ATP4A: variants seen among roughly 807,000 people sequenced by gnomAD.
ATP4A encodes potassium-transporting ATPase alpha chain 1.
Under a neutral mutation model 112.1 loss-of-function variants are expected in ATP4A, and 73 were observed. The observed-to-expected ratio is 0.65, with a 90% CI of 0.54 to 0.79. The LOEUF (loss-of-function observed/expected upper bound fraction) is 0.79, where lower values mean the gene tolerates loss of function less well. Ranked by LOEUF, ATP4A falls within the 30% of genes least tolerant of loss-of-function variation. The probability of loss-of-function intolerance (pLI) is 0.00; values close to 1 mark genes in which losing one functional copy is unlikely to be tolerated. For synonymous variants in ATP4A, 588 were observed against 588.9 expected, an observed-to-expected ratio of 1.00 and a Z score of 0.02; for missense variants, 1,081 against 1,425.9, an observed-to-expected ratio of 0.76 and a Z score of 3.90.
At chr19:35,556,609 T>G (rs1209520584) in intron 12 of ATP4A, among the ~76,000 whole-genome samples, 1 of 152,022 alleles carries the variant, frequency 6.6e-6, no homozygotes, top group East Asian at 1.9e-4. Context: ...GCTAAGCAGG[T>G]GGGAGTTAAG....
rs1336886445 is a variant in ATP4A at position 35,555,623 on chromosome 19, C to T, written c.2007-33G>A. On this transcript the variant is annotated intron_variant, in intron 13 of 21. Coordinates refer to ENST00000262623, the MANE Select transcript of ATP4A (RefSeq NM_000704.3). This position sits in a 1 kb window ranked among gnomAD's most constrained non-coding sequence, Gnocchi z 6.6. ...GGAGATGGGAGGACCTCGCTGGGAC[C>T]TCGGTCTGTGCCAGATGTGGGGAGA... The T allele has an allele frequency of 3.2e-6, 5 of 1,578,960 alleles. No individual in the cohort carries two copies. The highest frequency in any genetic ancestry group is 2.7e-5 in the African/African-American group (2 of 74,482).
rs373055923 is a variant in ATP4A at position 35,562,498 on chromosome 19, G to A, written c.357C>T (p.Ala119=). Residue 119 remains alanine (A), a synonymous_variant, in exon 4 of 22, where the codon GCC becomes GCT. Coordinates refer to ENST00000262623, the MANE Select transcript of ATP4A (RefSeq NM_000704.3). ...GGLQCLMWVA[A]AICLIAFAIQ... is the part of the protein sequence containing the mutation. ...TGGCAAAGGCGATGAGGCAGATGGCGGCGGCAACCCACATGAGGCACTGCA... is the reference window on the plus strand; with the variant it reads ...TGGCAAAGGCGATGAGGCAGATGGCAGCGGCAACCCACATGAGGCACTGCA... 6.9e-4 allele frequency: 1,120 copies of A among 1,613,998 alleles called. 1 individual carries two copies. The highest frequency in any genetic ancestry group is 8.7e-4 in the Non-Finnish European group (1,024 of 1,180,020).
In ATP4A at chr19:35,553,178, G is replaced by A. The variant is rs2071611319; in HGVS notation, c.2610C>T (p.Ala870=). 1.3e-6 allele frequency: 2 copies of A among 1,593,824 alleles called. No individual in the cohort carries two copies. Among genetic ancestry groups the A allele is most frequent in the South Asian group, 2.2e-5 (2 of 90,166 alleles). The change falls in exon 18 of 22, where the codon GCC becomes GCT. Residue 870 remains alanine, a synonymous_variant. Transcript: ENST00000262623. ...LAAYSYFQIG[A]IQSFAGFTDY... ...CAGTGAAGCCAGCAAAGGACTGAAT[G>A]GCACCTGGAGAGAGACAAGGGGACA...
chr19:35,552,546 T>C (rs373773916), intron 18 of ATP4A, among the ~76,000 whole-genome samples: 19 of 152,332 alleles, frequency 1.2e-4, no homozygotes, highest in African/African-American at 2.9e-4. Flanking sequence ...GTTACACAGC[T>C]TGTGAGAAGC....
At position 35,557,350 on chromosome 19, in the gene ATP4A, T is replaced by C. The variant is rs149186972; in HGVS notation, c.1694-262A>G. 1.3e-5 allele frequency among the ~76,000 whole-genome samples: 2 copies of C among 152,298 alleles called. No individual in the cohort carries two copies. The highest frequency in any genetic ancestry group is 1.9e-4 in the East Asian group (1 of 5,186). ...CACACAGCAAGTAAAAGGCCCAGAA[T>C]TGGACCACAGATCTGCTTTCTAGGG... On this transcript the variant is annotated intron_variant, in intron 11 of 21. Transcript: ENST00000262623. This position sits in a 1 kb window ranked among gnomAD's most constrained non-coding sequence, Gnocchi z 4.4.
Position 35,557,625 on chromosome 19 carries a change from GGAGT to G in ATP4A, c.1693+26_1693+29del. 1 of 1,582,438 alleles carries G rather than the reference GGAGT, an allele frequency of 6.3e-7. No homozygotes were observed. The highest frequency in any genetic ancestry group is 8.6e-7 in the Non-Finnish European group (1 of 1,164,204). ...TCTGTGCTAGCTCCTCCTCGCACCT[GGAGT>G]CTCCTCCCCTGCCCAGGGGTCTCAC... On this transcript the variant is annotated intron_variant, in intron 11 of 21. Transcript: ENST00000262623. This position sits in a 1 kb window ranked among gnomAD's most constrained non-coding sequence, Gnocchi z 4.4.
At chr19:35,553,381 G>A (rs1669171921) in intron 17 of ATP4A, among the ~76,000 whole-genome samples, 199 bp from the exon 18 acceptor site, 1 of 152,084 alleles carries the variant, frequency 6.6e-6, no homozygotes, top group Non-Finnish European at 1.5e-5. Context: ...CAGTGACAGA[G>A]ACACAGAGGC....
chr19:35,552,218 C>G (rs1478022563), intron 18 of ATP4A, among the ~76,000 whole-genome samples: 1 of 152,180 alleles, frequency 6.6e-6, no homozygotes, highest in African/African-American at 2.4e-5. Context: ...GGCAACACAA[C>G]TCCTAATACC....
chr19:35,555,641 TGGGGAGAACCCCGGGGAGGTCTG>T lies in ATP4A; in HGVS notation c.2006+12_2006+34del. 6.3e-7 allele frequency: 1 copy of T among 1,586,560 alleles called. No individual in the cohort carries two copies. Among genetic ancestry groups the T allele is most frequent in the Non-Finnish European group, 8.6e-7 (1 of 1,159,570 alleles). ...CTGGGACCTCGGTCTGTGCCAGATG[TGGGGAGAACCCCGGGGAGGTCTG>T]GGGGGGCTTACTTGCGATTAACCTG... On this transcript the variant is annotated intron_variant, in intron 13 of 21. Coordinates refer to ENST00000262623, the MANE Select transcript of ATP4A (RefSeq NM_000704.3). This position sits in a 1 kb window ranked among gnomAD's most constrained non-coding sequence, Gnocchi z 6.6.
chr19:35,553,136 C>T lies in ATP4A; in HGVS notation c.2652G>A (p.Met884Ile). The T allele has an allele frequency of 1.2e-6, 2 of 1,609,398 alleles. No individual in the cohort carries two copies. Among genetic ancestry groups the T allele is most frequent in the Non-Finnish European group, 1.7e-6 (2 of 1,176,140 alleles). The stretch of plus-strand genomic sequence containing the variant: ...GCAGTGGGAACCAGCCCTCCTGGGC[C>T]ATTGCCGTGAAGTAGTCAGTGAAGC... ...FAGFTDYFTAMAQEGWFPLLC... is the reference protein window; with the variant it reads ...FAGFTDYFTAIAQEGWFPLLC... Residue 884 changes from methionine to isoleucine, a missense_variant, in exon 18 of 22, where the codon ATG (methionine) becomes ATA (isoleucine). By Grantham distance (10) the Met-to-Ile change is conservative (BLOSUM62 1). Transcript: ENST00000262623.
rs2071594046 is a variant in ATP4A, at chr19:35,550,351, C to A, written c.*264G>T. Reference sequence around the variant, plus strand: ...AGCTGTACTCCCTGTCAGAGCCCCACCGCCACCACAGGTGGCGGCTTTCCC... The same window carrying A: ...AGCTGTACTCCCTGTCAGAGCCCCAACGCCACCACAGGTGGCGGCTTTCCC... On this transcript the variant is annotated 3_prime_UTR_variant, in exon 22 of 22. Transcript: ENST00000262623. This position sits in a 1 kb window ranked among gnomAD's most constrained non-coding sequence, Gnocchi z 4.1. The A allele has an allele frequency of 1.8e-6, 1 of 541,904 alleles. No individual in the cohort carries two copies. Among genetic ancestry groups the A allele is most frequent in the East Asian group, 3.2e-5 (1 of 31,210 alleles). 33.6% of individuals were successfully genotyped at this position (541,904 alleles called of 1,614,324 possible).
Position 35,560,138 on chromosome 19 carries a change from A to G in ATP4A, c.788-65T>C. On this transcript the variant is annotated intron_variant, in intron 6 of 21. Coordinates refer to ENST00000262623, the MANE Select transcript of ATP4A (RefSeq NM_000704.3). This position sits in a 1 kb window ranked among gnomAD's most constrained non-coding sequence, Gnocchi z 5.1. ...GCAGTGGGGTGTGCACTGCCGTGTG[A>G]GCTGAAGGACAGCCAGTCACTGCCA... 1 of 1,589,308 alleles carries G rather than the reference A, an allele frequency of 6.3e-7. No individual in the cohort carries two copies. Among genetic ancestry groups the G allele is most frequent in the Non-Finnish European group, 8.6e-7 (1 of 1,166,238 alleles).
chr19:35,559,137 T>C lies in ATP4A; in HGVS notation c.1111A>G (p.Asn371Asp), dbSNP rs748539056. Reference sequence around the variant, plus strand: ...CCCAATGTCTCCACCGCCTCCAGGTTCTTGACCACGCAGTTCTTACTGGCC... The same window carrying C: ...CCCAATGTCTCCACCGCCTCCAGGTCCTTGACCACGCAGTTCTTACTGGCC... The part of the protein sequence containing the change: ...RLASKNCVVK[N>D]LEAVETLGST... The change falls in exon 8 of 22, where the codon AAC (asparagine) becomes GAC (aspartate). Residue 371 changes from asparagine (N) to aspartate (D), a missense_variant. Asn to Asp is a conservative substitution (Grantham distance 23, BLOSUM62 1). Transcript: ENST00000262623. This position sits in a 1 kb window ranked among gnomAD's most constrained non-coding sequence, Gnocchi z 4.1. 1.9e-5 allele frequency: 30 copies of C among 1,614,036 alleles called. No individual in the cohort carries two copies. The African/African-American group carries it at 3.9e-4, about 21-fold the overall frequency.
chr19:35,558,492 A>C lies in ATP4A; in HGVS notation c.1370T>G (p.Ile457Ser). The change falls in exon 10 of 22, where the codon ATC (isoleucine) becomes AGC (serine). Residue 457 changes from isoleucine to serine, a missense_variant. Ile to Ser is a moderately radical substitution (Grantham distance 142). This residue lies in a region of ATP4A where 850 missense variants were observed against 1,068.2 expected (regional missense o/e 0.80). Coordinates refer to ENST00000262623, the MANE Select transcript of ATP4A (RefSeq NM_000704.3). This position sits in a 1 kb window ranked among gnomAD's most constrained non-coding sequence, Gnocchi z 5.1. The stretch of plus-strand genomic sequence containing the variant: ...CGTCTCCGATGCGTCTCCAATCACG[A>C]TGCGCTGGGAGCGGGGACCGGTGTC... ...GQDAVPVPKR[I>S]VIGDASETAL... The C allele has an allele frequency of 6.3e-7, 1 of 1,595,278 alleles. No homozygotes were observed. Among genetic ancestry groups the C allele is most frequent in the Non-Finnish European group, 8.5e-7 (1 of 1,171,810 alleles).
chr19:35,556,793 A>G, intron 12 of ATP4A, 120 bp downstream of exon 12: 2 of 1,212,798 alleles, frequency 1.6e-6, no homozygotes, highest in Non-Finnish European at 2.3e-6. Context: ...TTTCAGTATC[A>G]TAAACCAATG....
In ATP4A at chr19:35,562,601, C is replaced by T. The variant is rs752289225; in HGVS notation, c.254G>A (p.Arg85Gln). The change falls in exon 4 of 22, where the codon CGG becomes CAG. Residue 85 changes from arginine (R) to glutamine (Q), a missense_variant. Around this residue, in one of 3 missense-constraint regions of ATP4A, gnomAD observed 850 missense variants for 1,068.2 expected, o/e 0.80. Coordinates refer to ENST00000262623, the MANE Select transcript of ATP4A (RefSeq NM_000704.3). ...SASLAAELLL[R>Q]DGPNALRPPR... ...TGGCCGCAGTGCGTTGGGCCCATCC[C>T]GCAGCAGCAGCTCAGCAGCCAGGCT... is the stretch of plus-strand genomic sequence containing the variant. 2.1e-5 allele frequency: 34 copies of T among 1,609,044 alleles called. No homozygotes were observed. The African/African-American group carries it at 2.5e-4, about 12-fold the overall frequency.
Position 35,559,204 on chromosome 19 carries a change from T to A in ATP4A, c.1057-13A>T. On this transcript the variant is annotated splice_polypyrimidine_tract_variant and intron_variant, in intron 7 of 21. Transcript: ENST00000262623. This position sits in a 1 kb window ranked among gnomAD's most constrained non-coding sequence, Gnocchi z 4.1. ...GGGACAGGCAGACCTGGGGAAGGGG[T>A]GAGCACCGCAGGCTGGGGACCCACC... is the stretch of plus-strand genomic sequence containing the variant. 1 of 1,613,250 alleles carries A rather than the reference T, an allele frequency of 6.2e-7. No homozygotes were observed. The highest frequency in any genetic ancestry group is 8.5e-7 in the Non-Finnish European group (1 of 1,179,868).
chr19:35,556,904 G>A lies in ATP4A; in HGVS notation c.1869+9C>T, dbSNP rs1195445677. Reference sequence around the variant, plus strand: ...CTCACTCCACTTGTTCCTCCCCACAGTGGCATACCCGGATGCCTGCGGTGC... The same window carrying A: ...CTCACTCCACTTGTTCCTCCCCACAATGGCATACCCGGATGCCTGCGGTGC... On this transcript the variant is annotated intron_variant, in intron 12 of 21. Transcript: ENST00000262623. The A allele has an allele frequency of 6.2e-7, 1 of 1,611,190 alleles. No individual in the cohort carries two copies. The highest frequency in any genetic ancestry group is 1.1e-5 in the South Asian group (1 of 91,004).
rs531124720 is a variant in ATP4A, at chr19:35,560,266, G to A, written c.787+97C>T. On this transcript the variant is annotated intron_variant, in intron 6 of 21. Transcript: ENST00000262623. The surrounding 1 kb of genome is among the most constrained non-coding windows in gnomAD (Gnocchi z 5.1). ...GGGGAGGTGGCAGTCATGCAGGAGA[G>A]AGACAGGGAGGCTGAAGCCCCCTGT... The A allele has an allele frequency of 3.2e-6, 5 of 1,565,832 alleles. No individual in the cohort carries two copies. Among genetic ancestry groups the A allele is most frequent in the Non-Finnish European group, 4.3e-6 (5 of 1,154,010 alleles).
Sources: gnomAD v4.1 joint callset for allele counts (sites outside exome capture counted in the v4.1 genomes callset) on GRCh38, gnomAD v4.1.1 for gene constraint, gnomAD v4.1.1 regional missense constraint, Gnocchi (gnomAD v3.1) non-coding constraint, MANE v1.5 for transcripts, NCBI Gene and HGNC (gene_info 2026-07-23, HGNC 2026-07-21) for gene names.